Variants in PRKCA observed in about 807,000 individuals in gnomAD.
The protein encoded by PRKCA is protein kinase C alpha type.
In PRKCA, 27 loss-of-function variants were observed where a neutral mutation model predicts 87.0. That is an observed-to-expected ratio of 0.31 (90% CI 0.23 to 0.43). The LOEUF (loss-of-function observed/expected upper bound fraction) is 0.43. Ranked by LOEUF, PRKCA falls within the 20% of genes least tolerant of loss-of-function variation. The pLI, the probability that PRKCA is intolerant of heterozygous loss-of-function variation, is 1.00. For synonymous variants in PRKCA, 329 were observed against 311.1 expected (o/e 1.06, Z -0.61); for missense variants, 518 against 852.3 (o/e 0.61, Z 4.88).
intron 3 of PRKCA, among the ~76,000 whole-genome samples, chr17:66,528,436 C>G (rs1178747667): frequency 2.0e-5 from 3 of 152,046 alleles, no homozygotes; most frequent in Admixed American, 6.6e-5. Flanking sequence ...AGAGATTACC[C>G]TGGGTTATCT....
At chr17:66,503,371 C>T (rs1916833557) in intron 3 of PRKCA, among the ~76,000 whole-genome samples, 2 of 152,128 alleles carry the variant, frequency 1.3e-5, no homozygotes, top group African/African-American at 2.4e-5. Context: ...AACATGTATA[C>T]CGGTGACGTC....
chr17:66,496,150 CG>C (rs778235885), intron 2 of PRKCA, 50 bp from the exon 3 acceptor site: 1 of 1,400,590 alleles, frequency 7.1e-7, no homozygotes, highest in Non-Finnish European at 1.0e-6. Flanking sequence ...AAATAAAGCT[CG>C]TATGTTAAAT....
rs1293261165 is a variant in PRKCA at position 66,386,109 on chromosome 17, C to T, written c.205+79982C>T. On this transcript the variant is annotated intron_variant, in intron 2 of 16. Transcript: ENST00000413366. Reference sequence around the variant, plus strand: ...TTTCCCATGCTATAGGTTCATTTTGCAGATGTAACCGCTTTTGAAGTCTCG... The same window carrying T: ...TTTCCCATGCTATAGGTTCATTTTGTAGATGTAACCGCTTTTGAAGTCTCG... Among the ~76,000 whole-genome samples the T allele has an allele frequency of 2.6e-5, 4 of 152,154 alleles. 1 individual carries two copies. The highest frequency in any genetic ancestry group is 4.2e-4 in the South Asian group (2 of 4,810).
At chr17:66,731,750 G>A (rs545387041) in intron 8 of PRKCA, among the ~76,000 whole-genome samples, 5 of 149,904 alleles carry the variant, frequency 3.3e-5, no homozygotes, top group South Asian at 2.1e-4. Context: ...TTCTTCAGGC[G>A]CAAAGGGCGC....
chr17:66,357,729 T>A (rs1908148347), intron 2 of PRKCA, among the ~76,000 whole-genome samples: 1 of 152,212 alleles, frequency 6.6e-6, no homozygotes, highest in Non-Finnish European at 1.5e-5. Flanking sequence ...TGGTGTATGT[T>A]TGGTAGATGA....
chr17:66,553,129 G>A (rs943829580), intron 3 of PRKCA, among the ~76,000 whole-genome samples: 3 of 152,008 alleles, frequency 2.0e-5, no homozygotes, highest in Non-Finnish European at 4.4e-5. Context: ...CTACAGGCTT[G>A]TACCAGCATG....
intron 2 of PRKCA, among the ~76,000 whole-genome samples, chr17:66,477,015 A>G (rs896329338): frequency 3.3e-5 from 5 of 152,182 alleles, no homozygotes; most frequent in Non-Finnish European, 4.4e-5. Flanking sequence ...AGAGCTTCAC[A>G]TACCCAAGGT....
At chr17:66,520,784 G>C (rs1967135616) in intron 3 of PRKCA, among the ~76,000 whole-genome samples, 1 of 151,974 alleles carries the variant, frequency 6.6e-6, no homozygotes, top group East Asian at 1.9e-4. Context: ...GCTGATTTCT[G>C]ACTTTTAAAA....
chr17:66,514,871 G>A (rs764978573), intron 3 of PRKCA, among the ~76,000 whole-genome samples: 4 of 152,106 alleles, frequency 2.6e-5, no homozygotes, highest in Non-Finnish European at 5.9e-5. Context: ...TTTGGAAAAT[G>A]TTAGGTTTCT....
rs577054850 is a variant in PRKCA, at chr17:66,441,149, G to A, written c.206-55052G>A. 7.4e-4 allele frequency among the ~76,000 whole-genome samples: 91 copies of A among 122,176 alleles called. 1 individual carries two copies. Among genetic ancestry groups the A allele is most frequent in the African/African-American group, 2.6e-3 (78 of 29,510 alleles). 80.2% of individuals were successfully genotyped at this position (122,176 alleles called of 152,430 possible). ...TGCACTCCAGCCTGGGAGACAAAGC[G>A]AAACTCTGTCTCCAAAAAAAAAAAA... On this transcript the variant is annotated intron_variant, in intron 2 of 16. Coordinates refer to ENST00000413366, the MANE Select transcript of PRKCA (RefSeq NM_002737.3).
chr17:66,724,474 G>C (rs1315962972), intron 8 of PRKCA, among the ~76,000 whole-genome samples: 2 of 152,202 alleles, frequency 1.3e-5, no homozygotes, highest in Non-Finnish European at 1.5e-5. Flanking sequence ...ACTTGGAAAT[G>C]AGTGAGATGG....
chr17:66,579,445 C>T (rs919685266), intron 3 of PRKCA, among the ~76,000 whole-genome samples: 5 of 152,182 alleles, frequency 3.3e-5, no homozygotes, highest in Admixed American at 6.5e-5. Flanking sequence ...TCAGAGGTCA[C>T]GCTTACCAAG....
In PRKCA at chr17:66,426,287, C is replaced by T. The variant is rs529764109; in HGVS notation, c.206-69914C>T. Among the ~76,000 whole-genome samples, 48 of 152,054 alleles carry T rather than the reference C, an allele frequency of 3.2e-4. 1 individual carries two copies. The highest frequency in any genetic ancestry group is 2.1e-4 in the South Asian group (1 of 4,810). On this transcript the variant is annotated intron_variant, in intron 2 of 16. Transcript: ENST00000413366. ...TGGCAAGAAGTCACGCCCTTCTGCC[C>T]GACTGAGGAATTGGTTTTCATCATC...
intron 3 of PRKCA, among the ~76,000 whole-genome samples, chr17:66,506,088 G>C (rs1916963262): frequency 6.6e-6 from 1 of 152,078 alleles, no homozygotes; most frequent in African/African-American, 2.4e-5. Flanking sequence ...CTGAGGTCAG[G>C]GGTTTGAGAC....
chr17:66,471,787 T>C (rs1210538613), intron 2 of PRKCA, among the ~76,000 whole-genome samples: 1 of 152,144 alleles, frequency 6.6e-6, no homozygotes, highest in East Asian at 1.9e-4. Flanking sequence ...CTTCATCCCA[T>C]GCCTGCCTGC....
intron 5 of PRKCA, among the ~76,000 whole-genome samples, chr17:66,649,703 C>G (rs564464073): frequency 6.6e-6 from 1 of 152,158 alleles, no homozygotes; most frequent in Admixed American, 6.5e-5. Context: ...AATCAGCACC[C>G]CACAAAGTTT....
chr17:66,690,245 G>A (rs1332087913), intron 8 of PRKCA, among the ~76,000 whole-genome samples: 2 of 152,202 alleles, frequency 1.3e-5, no homozygotes, highest in Non-Finnish European at 2.9e-5. Flanking sequence ...GGGGCTCTTT[G>A]GTTAGATGTC....
chr17:66,320,428 C>T (rs1035369937), intron 2 of PRKCA, among the ~76,000 whole-genome samples: 7 of 151,744 alleles, frequency 4.6e-5, no homozygotes, highest in South Asian at 2.1e-4. Context: ...ACAAAGCAGA[C>T]GTGAGATTCC....
chr17:66,303,107 G>C, intron 1 of PRKCA, 83 bp downstream of exon 1: 1 of 1,536,006 alleles, frequency 6.5e-7, no homozygotes, highest in East Asian at 2.5e-5. Context: ...GTCCGCCCCG[G>C]GGCTGGCTCA....
Sources: gnomAD v4.1 joint callset for allele counts (sites outside exome capture counted in the v4.1 genomes callset) on GRCh38, gnomAD v4.1.1 for gene constraint, MANE v1.5 for transcripts, NCBI Gene and HGNC (gene_info 2026-07-23, HGNC 2026-07-21) for gene names.